Variants in C3orf85 observed in about 807,000 individuals in gnomAD.
C3orf85 encodes chromosome 3 open reading frame 85, also known as uncharacterized protein C3orf85.
A neutral mutation model predicts 1.7 loss-of-function variants in C3orf85; 1 was observed. The ratio of observed to expected loss-of-function variants is 0.60; its 90% confidence interval spans 0.21 to 2.86. The LOEUF (loss-of-function observed/expected upper bound fraction) is 2.86, where lower values mean the gene tolerates loss of function less well. Among genes scored for constraint, C3orf85 ranks in the 30% most tolerant of loss-of-function variants. The probability of loss-of-function intolerance (pLI) is 0.22; values close to 1 mark genes in which losing one functional copy is unlikely to be tolerated. For missense variants in C3orf85, 29 were observed against 21.3 expected (o/e 1.36, Z -0.72); for synonymous variants, 17 against 8.0 (o/e 2.13, Z -1.90).
At chr3:109,142,255 T>G in intron 2 of C3orf85, among the ~76,000 whole-genome samples, 1 of 152,236 alleles carries the variant, frequency 6.6e-6, no homozygotes, top group East Asian at 1.9e-4. Flanking sequence ...TTAATTTGTG[T>G]GTGTCCATAA....
chr3:109,139,166 C>A (rs1340948715), intron 2 of C3orf85, among the ~76,000 whole-genome samples: 1 of 152,230 alleles, frequency 6.6e-6, no homozygotes, highest in Admixed American at 6.5e-5. Flanking sequence ...TGTCCTAATC[C>A]TACATCTACC....
At chr3:109,139,685 T>C (rs1706722249) in intron 2 of C3orf85, among the ~76,000 whole-genome samples, 1 of 152,204 alleles carries the variant, frequency 6.6e-6, no homozygotes, top group African/African-American at 2.4e-5. Context: ...CTGATCAGAT[T>C]TGGCAGCTGG....
In C3orf85 at chr3:109,148,318, G is replaced by C; in HGVS notation, c.115G>C (p.Val39Leu). The change falls in exon 3 of 4, where the codon GTA (valine) becomes CTA (leucine). Residue 39 changes from valine (V) to leucine (L), a missense_variant. Coordinates refer to ENST00000622536, the MANE Select transcript of C3orf85 (RefSeq NM_001351622.2). ...ANQFLRLKRHVNLQDYWDPDH... is the reference protein window; with the variant it reads ...ANQFLRLKRHLNLQDYWDPDH... ...CCAGTTCCTACGTCTCAAAAGACAT[G>C]TAAATTTGCAGGATTACTGGGACCC... 4.3e-6 allele frequency: 3 copies of C among 702,748 alleles called. No homozygotes were observed. The highest frequency in any genetic ancestry group is 7.8e-6 in the Non-Finnish European group (3 of 384,810). The allele number at this position is 702,748 out of a possible 1,614,324, so 43.5% of individuals were successfully genotyped here.
rs145648293 is a variant in C3orf85, at chr3:109,150,728, A to T, written c.*834A>T. Among the ~76,000 whole-genome samples, 402 of 152,266 alleles carry T rather than the reference A, an allele frequency of 2.6e-3. 7 individuals carry two copies. The highest frequency in any genetic ancestry group is 9.3e-3 in the African/African-American group (387 of 41,554). On this transcript the variant is annotated 3_prime_UTR_variant, in exon 4 of 4. Coordinates refer to ENST00000622536, the MANE Select transcript of C3orf85 (RefSeq NM_001351622.2). Reference sequence around the variant, plus strand: ...TGAGATGATACAACTAATTGCCAAGATTGCCCCCCAAAATCACAGGTAAAT... The same window carrying T: ...TGAGATGATACAACTAATTGCCAAGTTTGCCCCCCAAAATCACAGGTAAAT...
intron 2 of C3orf85, among the ~76,000 whole-genome samples, chr3:109,143,617 C>T (rs1459528744): frequency 1.3e-5 from 2 of 152,194 alleles, no homozygotes; most frequent in African/African-American, 2.4e-5. Context: ...CTCTGTGCTT[C>T]CGATAACACG....
At position 109,149,788 on chromosome 3, in the gene C3orf85, G is replaced by A. The variant is rs1706847850; in HGVS notation, c.184-17G>A. 3 of 398,336 alleles carry A rather than the reference G, an allele frequency of 7.5e-6. No homozygotes were observed. In the East Asian group the frequency reaches 1.1e-4, roughly 14 times the overall value. The allele number at this position is 398,336 out of a possible 1,614,324, so 24.7% of individuals were successfully genotyped here. On this transcript the variant is annotated splice_polypyrimidine_tract_variant and intron_variant, in intron 3 of 3. Coordinates refer to ENST00000622536, the MANE Select transcript of C3orf85 (RefSeq NM_001351622.2). The stretch of plus-strand genomic sequence containing the variant: ...TACACACTCAGAGATCATGACTTGT[G>A]TTTCCTTTTCTTGAAGGCTCGTGAA...
chr3:109,148,463 A>G lies in C3orf85; in HGVS notation c.183+77A>G, dbSNP rs567057498. ...CATTGCATTAGCTGACCACTAATTA[A>G]CACATGACTAGCCTAGCCCTGATTT... On this transcript the variant is annotated intron_variant, in intron 3 of 3. Coordinates refer to ENST00000622536, the MANE Select transcript of C3orf85 (RefSeq NM_001351622.2). 41 of 698,298 alleles carry G rather than the reference A, an allele frequency of 5.9e-5. No individual in the cohort carries two copies. In the African/African-American group the frequency reaches 7.0e-4, roughly 12 times the overall value. 43.3% of individuals were successfully genotyped at this position (698,298 alleles called of 1,614,324 possible). A position where few individuals can be genotyped will look rare whatever the true frequency, so the allele number is the denominator to read the frequency against.
At chr3:109,147,688 A>C (rs889305661) in intron 2 of C3orf85, among the ~76,000 whole-genome samples, 2 of 152,102 alleles carry the variant, frequency 1.3e-5, no homozygotes, top group Admixed American at 6.5e-5. Context: ...TTGATGGTGA[A>C]TTGATCAATG....
intron 2 of C3orf85, among the ~76,000 whole-genome samples, chr3:109,143,317 TC>T (rs1706761584): frequency 6.6e-6 from 1 of 152,244 alleles, no homozygotes; most frequent in Non-Finnish European, 1.5e-5. Flanking sequence ...TAGAATATTG[TC>T]TTTTCCCCAC....
intron 2 of C3orf85, among the ~76,000 whole-genome samples, chr3:109,147,566 G>A (rs926478051): frequency 6.6e-6 from 1 of 152,188 alleles, no homozygotes; most frequent in Non-Finnish European, 1.5e-5. Context: ...ATACAACACA[G>A]ATTGTTAAAA....
intron 2 of C3orf85, among the ~76,000 whole-genome samples, chr3:109,142,361 T>C (rs1157288803): frequency 2.6e-5 from 4 of 152,128 alleles, no homozygotes; most frequent in Admixed American, 2.6e-4. Flanking sequence ...AAACAATAAA[T>C]ATTATTAGGT....
chr3:109,141,343 AC>A (rs957930430), intron 2 of C3orf85, among the ~76,000 whole-genome samples: 22 of 150,576 alleles, frequency 1.5e-4, no homozygotes, highest in African/African-American at 5.4e-4. Context: ...GCAATTCAGC[AC>A]CCCTCTCCAT....
In C3orf85 at chr3:109,138,032, C is replaced by T. The variant is rs1385303517; in HGVS notation, c.49+1136C>T. ...AAGGCTAAAGCAATGCTGGCTGGTC[C>T]ACATTCACCTATGAATGCTTCAGGG... On this transcript the variant is annotated intron_variant, in intron 2 of 3. Transcript: ENST00000622536. 2.0e-5 allele frequency among the ~76,000 whole-genome samples: 3 copies of T among 152,098 alleles called. No homozygotes were observed. In the East Asian group the frequency reaches 5.8e-4, roughly 29 times the overall value.
chr3:109,145,192 T>C (rs1023037664), intron 2 of C3orf85, among the ~76,000 whole-genome samples: 1 of 152,154 alleles, frequency 6.6e-6, no homozygotes, highest in Non-Finnish European at 1.5e-5. Context: ...TTACTATCTG[T>C]CCTTACACCA....
At chr3:109,145,343 A>G (rs149032783) in intron 2 of C3orf85, among the ~76,000 whole-genome samples, 171 of 152,374 alleles carry the variant, frequency 1.1e-3, no homozygotes, top group African/African-American at 4.0e-3. Context: ...AAGAACTTTG[A>G]TGGTATTATG....
At chr3:109,143,861 G>A (rs893885257) in intron 2 of C3orf85, among the ~76,000 whole-genome samples, 2 of 152,192 alleles carry the variant, frequency 1.3e-5, no homozygotes, top group African/African-American at 2.4e-5. Flanking sequence ...AAGGAGAGCT[G>A]TGATCCCAAA....
In C3orf85 at chr3:109,149,889, C is replaced by T. The variant is rs1706849453; in HGVS notation, c.268C>T (p.Gln90Ter). The T allele has an allele frequency of 5.0e-6, 2 of 398,168 alleles. No homozygotes were observed. Among genetic ancestry groups the T allele is most frequent in the African/African-American group, 4.1e-5 (2 of 48,562 alleles). 24.7% of individuals were successfully genotyped at this position (398,168 alleles called of 1,614,324 possible). A position where few individuals can be genotyped will look rare whatever the true frequency, so the allele number is the denominator to read the frequency against. The change falls in exon 4 of 4, where the codon CAG (glutamine) becomes TAG (stop). Residue 90 changes from glutamine to a stop codon, truncating the protein, a stop_gained. Coordinates refer to ENST00000622536, the MANE Select transcript of C3orf85 (RefSeq NM_001351622.2). LOFTEE classifies it high-confidence loss of function. Reference protein sequence around the residue: ...NTFTFDMSTAQ With the variant: ...NTFTFDMSTA ...CTTCACCTTTGACATGTCTACTGCC[C>T]AGTAAATATGTTTTCCTGGTTAAAG...
At position 109,148,297 on chromosome 3, in the gene C3orf85, T is replaced by A. The variant is rs768063239; in HGVS notation, c.94T>A (p.Phe32Ile). The A allele has an allele frequency of 4.3e-5, 30 of 702,532 alleles. No individual in the cohort carries two copies. The highest frequency in any genetic ancestry group is 7.8e-6 in the Non-Finnish European group (3 of 384,782). 43.5% of individuals were successfully genotyped at this position (702,532 alleles called of 1,614,324 possible). A position where few individuals can be genotyped will look rare whatever the true frequency, so the allele number is the denominator to read the frequency against. Residue 32 changes from phenylalanine to isoleucine, a missense_variant, in exon 3 of 4, where the codon TTC (phenylalanine) becomes ATC (isoleucine). Transcript: ENST00000622536. Reference protein sequence around the residue: ...PFLLEDPANQFLRLKRHVNLQ... With the variant: ...PFLLEDPANQILRLKRHVNLQ... The stretch of plus-strand genomic sequence containing the variant: ...TTTGTTGGAAGACCCTGCAAACCAG[T>A]TCCTACGTCTCAAAAGACATGTAAA...
At chr3:109,148,113 A>G (rs1559970549) in intron 2 of C3orf85, 140 bp from the exon 3 acceptor site, 1 of 603,194 alleles carries the variant, frequency 1.7e-6, no homozygotes, top group East Asian at 2.8e-5. Flanking sequence ...TAGCTGTCTC[A>G]CTCAGAGCTT....
Sources: gnomAD v4.1 joint callset for allele counts (sites outside exome capture counted in the v4.1 genomes callset) on GRCh38, gnomAD v4.1.1 for gene constraint, MANE v1.5 for transcripts, NCBI Gene and HGNC (gene_info 2026-07-23, HGNC 2026-07-21) for gene names.